The following CHKA variants were observed in gnomAD, a reference collection of about 807,000 sequenced individuals.
CHKA encodes the protein choline kinase alpha.
In CHKA, 34 loss-of-function variants were observed where a neutral mutation model predicts 60.1. The observed-to-expected ratio is 0.57, with a 90% CI of 0.43 to 0.75. CHKA has a LOEUF of 0.75. Ranked by LOEUF, CHKA falls within the 30% of genes least tolerant of loss-of-function variation. CHKA has a pLI of 0.00. For missense variants in CHKA, 563 were observed against 561.3 expected (o/e 1.00, Z -0.03); for synonymous variants, 217 against 223.1 (o/e 0.97, Z 0.24).
intron 1 of CHKA, among the ~76,000 whole-genome samples, chr11:68,116,989 T>C (rs1858411406): frequency 6.6e-6 from 1 of 152,162 alleles, no homozygotes; most frequent in Non-Finnish European, 1.5e-5. Context: ...CCAGTTCCGG[T>C]GTGCCAGGCA....
chr11:68,113,953 T>C (rs1370002244), intron 1 of CHKA, among the ~76,000 whole-genome samples: 3 of 151,766 alleles, frequency 2.0e-5, no homozygotes, highest in African/African-American at 4.8e-5. Flanking sequence ...ATCGCGCCAT[T>C]GCACTCCAGC....
chr11:68,084,353 TATATATACAC>T (rs1273168856), intron 2 of CHKA, among the ~76,000 whole-genome samples: 5 of 139,136 alleles, frequency 3.6e-5, no homozygotes, highest in South Asian at 2.3e-4. Flanking sequence ...TATGTGTATA[TATATATACAC>T]ATATATACGT....
chr11:68,058,090 C>T (rs1053728129), intron 11 of CHKA, among the ~76,000 whole-genome samples: 1 of 152,130 alleles, frequency 6.6e-6, no homozygotes, highest in African/African-American at 2.4e-5. Flanking sequence ...ATGAGTCTTG[C>T]TATGCTGCCC....
rs187463954 is a variant in CHKA, at chr11:68,103,908, G to A, written c.351-6778C>T. 3.2e-3 allele frequency among the ~76,000 whole-genome samples: 481 copies of A among 151,764 alleles called. 2 individuals carry two copies. The highest frequency in any genetic ancestry group is 0.011 in the African/African-American group (448 of 41,366). On this transcript the variant is annotated intron_variant, in intron 1 of 11. Transcript: ENST00000265689. The stretch of plus-strand genomic sequence containing the variant: ...AGCCTGGGAGACAGAGCAAGGCTCA[G>A]TCTCAAAAAAATAAAAAATAAATAA...
At chr11:68,067,600 G>C (rs570479019) in intron 7 of CHKA, among the ~76,000 whole-genome samples, 6 of 152,116 alleles carry the variant, frequency 3.9e-5, no homozygotes, top group Non-Finnish European at 5.9e-5. Flanking sequence ...CAAAAAAAAG[G>C]CAAATTGGAG....
intron 2 of CHKA, among the ~76,000 whole-genome samples, chr11:68,083,591 T>C (rs1857057480): frequency 1.3e-5 from 2 of 152,178 alleles, no homozygotes; most frequent in African/African-American, 4.8e-5. Context: ...TTCCCTTATC[T>C]AATGGCGCTC....
At chr11:68,062,905 G>A (rs1856302449) in intron 10 of CHKA, among the ~76,000 whole-genome samples, 1 of 152,138 alleles carries the variant, frequency 6.6e-6, no homozygotes, top group African/African-American at 2.4e-5. Context: ...GGAGATGACT[G>A]TGCTAAGTGC....
rs750213357 is a variant in CHKA at position 68,121,326 on chromosome 11, G to GCGGCGGCGGCGGCGGCGA, written c.-150_-149insTCGCCGCCGCCGCCGCCG. ...TTGGGCGCGCGGGGCGGCGGCGGCGGCTGCGGCGACTGCGGCGACTGTGGA... is the reference window on the plus strand; with the variant it reads ...TTGGGCGCGCGGGGCGGCGGCGGCGGCGGCGGCGGCGGCGGCGACTGCGGCGACTGCGGCGACTGTGGA... On this transcript the variant is annotated 5_prime_UTR_variant, in exon 1 of 12. Coordinates refer to ENST00000265689, the MANE Select transcript of CHKA (RefSeq NM_001277.3). The GCGGCGGCGGCGGCGGCGA allele has an allele frequency of 1.1e-5, 3 of 277,908 alleles. No homozygotes were observed. Among genetic ancestry groups the GCGGCGGCGGCGGCGGCGA allele is most frequent in the African/African-American group, 7.0e-5 (3 of 43,024 alleles). The allele number at this position is 277,908 out of a possible 1,614,324, so 17.2% of individuals were successfully genotyped here. A position where few individuals can be genotyped will look rare whatever the true frequency, so the allele number is the denominator to read the frequency against.
At chr11:68,092,808 C>T (rs1180230311) in intron 2 of CHKA, among the ~76,000 whole-genome samples, 1 of 152,000 alleles carries the variant, frequency 6.6e-6, no homozygotes, top group South Asian at 2.1e-4. Context: ...GTTTAAACTA[C>T]AACCAAAAAA....
chr11:68,083,788 G>A (rs1397556952), intron 2 of CHKA, among the ~76,000 whole-genome samples: 1 of 152,112 alleles, frequency 6.6e-6, no homozygotes, highest in African/African-American at 2.4e-5. Context: ...AGGCAAGATG[G>A]ACTTCTGCAA....
intron 1 of CHKA, among the ~76,000 whole-genome samples, chr11:68,108,684 C>T (rs1270782640): frequency 2.0e-5 from 3 of 151,990 alleles, no homozygotes; most frequent in Non-Finnish European, 4.4e-5. Context: ...GCGGAGCTTG[C>T]AGTGAGCCAA....
At chr11:68,110,279 G>C (rs1173874768) in intron 1 of CHKA, among the ~76,000 whole-genome samples, 2 of 151,850 alleles carry the variant, frequency 1.3e-5, no homozygotes, top group African/African-American at 4.8e-5. Flanking sequence ...AATAAGAAAA[G>C]GAAATTAAAA....
At chr11:68,095,768 G>A (rs190893388) in intron 2 of CHKA, among the ~76,000 whole-genome samples, 8 of 148,406 alleles carry the variant, frequency 5.4e-5, no homozygotes, top group Non-Finnish European at 8.9e-5. Context: ...CAGGCCAGGC[G>A]TGGTGGCTCA....
intron 1 of CHKA, among the ~76,000 whole-genome samples, chr11:68,115,497 G>A (rs1046799219): frequency 6.6e-6 from 1 of 152,136 alleles, no homozygotes; most frequent in East Asian, 1.9e-4. Context: ...CAGGCAGGGG[G>A]TTATATGGGA....
Position 68,070,778 on chromosome 11 carries a change from C to A in CHKA, c.710G>T (p.Gly237Val), listed in dbSNP as rs767414264. The change falls in exon 5 of 12, where the codon GGT becomes GTT. Residue 237 changes from glycine (G) to valine (V), a missense_variant. Transcript: ENST00000265689. ...EIAEKMATFHGMKMPFNKEPK... is the reference protein window; with the variant it reads ...EIAEKMATFHVMKMPFNKEPK... ...TTCCTTATTGAATGGCATTTTCATACCATGAAATGTAGCCATTTTCTCGGC... is the reference window on the plus strand; with the variant it reads ...TTCCTTATTGAATGGCATTTTCATAACATGAAATGTAGCCATTTTCTCGGC... 6.2e-7 allele frequency: 1 copy of A among 1,613,374 alleles called. No individual in the cohort carries two copies. The highest frequency in any genetic ancestry group is 1.7e-5 in the Admixed American group (1 of 60,002).
In CHKA at chr11:68,070,290, A is replaced by G; in HGVS notation, c.768T>C (p.Tyr256=). The change falls in exon 6 of 12, where the codon TAT becomes TAC. Residue 256 remains tyrosine (Y), a synonymous_variant. Transcript: ENST00000265689. The stretch of plus-strand genomic sequence containing the variant: ...ATTTAATTCTCAGCACTTCCTTTAG[A>G]TACCTATTAAAAAATTTTCAAAAAA... ...PKWLFGTMEK[Y]LKEVLRIKFT... The G allele has an allele frequency of 1.2e-6, 2 of 1,602,770 alleles. No individual in the cohort carries two copies. Among genetic ancestry groups the G allele is most frequent in the Non-Finnish European group, 1.7e-6 (2 of 1,170,690 alleles).
chr11:68,111,917 G>T (rs1448646518), intron 1 of CHKA, among the ~76,000 whole-genome samples: 1 of 151,738 alleles, frequency 6.6e-6, no homozygotes, highest in Admixed American at 6.6e-5. Flanking sequence ...GCCAGGCGTG[G>T]TGACGCATGC....
At chr11:68,061,095 G>GTTTTTTTTTTTTTTTTTTTTT (rs757176198) in intron 11 of CHKA, among the ~76,000 whole-genome samples, 3 of 70,878 alleles carry the variant, frequency 4.2e-5, no homozygotes, top group African/African-American at 2.0e-4. Context: ...GTCAGTGACA[G>GTTTTTTTTTTTTTTTTTTTTT]TTTTTTTTTT....
At chr11:68,093,038 CT>C (rs1857399964) in intron 2 of CHKA, among the ~76,000 whole-genome samples, 2 of 138,084 alleles carry the variant, frequency 1.4e-5, no homozygotes, top group Admixed American at 1.6e-4. Context: ...GACGGGGTCT[CT>C]CTCTGTCCCC....
Sources: allele counts gnomAD v4.1 joint callset (sites outside exome capture counted in the v4.1 genomes callset), GRCh38; gene constraint gnomAD v4.1.1; transcripts MANE v1.5; gene names NCBI Gene and HGNC (gene_info 2026-07-23, HGNC 2026-07-21).